The following EML3 variants were observed in gnomAD, a reference collection of about 807,000 sequenced individuals.
The protein encoded by EML3 is echinoderm microtubule-associated protein-like 3.
A neutral mutation model predicts 106.7 loss-of-function variants in EML3; 53 were observed. The ratio of observed to expected loss-of-function variants is 0.50; its 90% CI spans 0.40 to 0.62. The LOEUF (loss-of-function observed/expected upper bound fraction) is 0.62. Among genes scored for constraint, EML3 ranks in the 20% least tolerant of loss-of-function variants. The probability of loss-of-function intolerance (pLI) is 0.00; values close to 1 mark genes in which losing one functional copy is unlikely to be tolerated. For synonymous variants in EML3, 499 were observed against 489.6 expected, an observed-to-expected ratio of 1.02 and a Z score of -0.25; for missense variants, 994 against 1,209.1, an observed-to-expected ratio of 0.82 and a Z score of 2.64.
intron 1 of EML3, chr11:62,612,060 A>G (rs1331094337): frequency 7.6e-6 from 3 of 392,520 alleles, no homozygotes; most frequent in Non-Finnish European, 1.4e-5. Flanking sequence ...CCCAGAGTAC[A>G]AGAAAAGAGA....
Position 62,609,341 on chromosome 11 carries a change from AG to A in EML3, c.758+12del. On this transcript the variant is annotated intron_variant, in intron 6 of 21. Transcript: ENST00000394773. ...GAAAGGTGGTTCTCATGGGACTGGA[AG>A]GGGCAGGATACACCCAGTCAAGGCT... The A allele has an allele frequency of 6.4e-7, 1 of 1,550,976 alleles. No homozygotes were observed. Among genetic ancestry groups the A allele is most frequent in the Non-Finnish European group, 8.7e-7 (1 of 1,148,356 alleles).
At chr11:62,609,275 C>T (rs1007103613) in intron 6 of EML3, 79 bp downstream of exon 6, 40 of 1,539,262 alleles carry the variant, frequency 2.6e-5, no homozygotes, top group Admixed American at 1.2e-4. Context: ...TCCCCACAGA[C>T]CCAGGAGGAA....
intron 11 of EML3, 168 bp from the exon 12 acceptor site, chr11:62,607,267 G>A (rs952950317): frequency 1.4e-6 from 1 of 703,026 alleles, no homozygotes; most frequent in African/African-American, 1.8e-5. Context: ...GGCCAATATG[G>A]TGAAATCCCG....
intron 10 of EML3, 41 bp from the exon 11 acceptor site, chr11:62,607,862 G>A: frequency 6.3e-7 from 1 of 1,595,390 alleles, no homozygotes; most frequent in Non-Finnish European, 8.6e-7. Flanking sequence ...CAAGCCCTGG[G>A]TACCTTCATT....
At chr11:62,608,940 C>A in intron 7 of EML3, 22 bp downstream of exon 7, 3 of 1,610,756 alleles carry the variant, frequency 1.9e-6, no homozygotes, top group Non-Finnish European at 1.7e-6. Flanking sequence ...CCTGCCAAGC[C>A]CACCAGCCCC....
intron 12 of EML3, among the ~76,000 whole-genome samples, chr11:62,606,585 C>T (rs1448556102): frequency 5.9e-5 from 9 of 152,180 alleles, no homozygotes; most frequent in Non-Finnish European, 1.3e-4. Flanking sequence ...GGCTGGGCGC[C>T]GTGGCTCACG....
Position 62,608,672 on chromosome 11 carries a change from A to G in EML3, c.1000-20T>C. The G allele has an allele frequency of 1.2e-6, 2 of 1,614,082 alleles. No individual in the cohort carries two copies. The highest frequency in any genetic ancestry group is 1.7e-6 in the Non-Finnish European group (2 of 1,179,980). On this transcript the variant is annotated intron_variant, in intron 8 of 21. Coordinates refer to ENST00000394773, the MANE Select transcript of EML3 (RefSeq NM_153265.3). ...CAGGGGCTGGTGGAGGAAGAGTCAC[A>G]AGTGTGAAGCAAAATTGGAGTGCAA...
chr11:62,603,583 A>G (rs1165523018), intron 19 of EML3, 146 bp downstream of exon 19: 2 of 703,722 alleles, frequency 2.8e-6, no homozygotes, highest in Non-Finnish European at 2.4e-6. Flanking sequence ...AGTTGTTTCC[A>G]AATCACGAAA....
At position 62,607,801 on chromosome 11, in the gene EML3, C is replaced by G. The variant is rs1179504177; in HGVS notation, c.1227G>C (p.Leu409=). The change falls in exon 11 of 22, where the codon CTG becomes CTC. Residue 409 remains leucine, a synonymous_variant. Transcript: ENST00000394773. The part of the protein sequence containing the change: ...AEIKSTNDSV[L]AVGFNPRDSS... ...TGTCACGAGGGTTGAAGCCAACGGC[C>G]AGGACTGAGTCATTTGTACTCTGAA... The G allele has an allele frequency of 6.2e-7, 1 of 1,613,820 alleles. No homozygotes were observed. The highest frequency in any genetic ancestry group is 1.3e-5 in the African/African-American group (1 of 74,902).
rs1000747146 is a variant in EML3 at position 62,607,906 on chromosome 11, C to T, written c.1207-85G>A. ...CTCTCCTCAATTTGCATCATGACAGCTGGCTGGCAGAGGTCCAGAAACCCC... is the reference window on the plus strand; with the variant it reads ...CTCTCCTCAATTTGCATCATGACAGTTGGCTGGCAGAGGTCCAGAAACCCC... On this transcript the variant is annotated intron_variant, in intron 10 of 21. Coordinates refer to ENST00000394773, the MANE Select transcript of EML3 (RefSeq NM_153265.3). 13 of 1,514,674 alleles carry T rather than the reference C, an allele frequency of 8.6e-6. No homozygotes were observed. The African/African-American group carries it at 1.7e-4, about 19-fold the overall frequency. The allele number at this position is 1,514,674 out of a possible 1,614,324, so 93.8% of individuals were successfully genotyped here.
rs1237585712 is a variant in EML3 at position 62,611,252 on chromosome 11, G to T, written c.287C>A (p.Ser96Tyr). 6.2e-7 allele frequency: 1 copy of T among 1,612,572 alleles called. No individual in the cohort carries two copies. Among genetic ancestry groups the T allele is most frequent in the Non-Finnish European group, 8.5e-7 (1 of 1,179,900 alleles). The change falls in exon 3 of 22, where the codon TCC (serine) becomes TAC (tyrosine). Residue 96 changes from serine (S) to tyrosine (Y), a missense_variant. By Grantham distance (144) the Ser-to-Tyr change is moderately radical. Around this residue, in one of 3 missense-constraint regions of EML3, gnomAD observed 269 missense variants for 265.1 expected, o/e 1.01. Coordinates refer to ENST00000394773, the MANE Select transcript of EML3 (RefSeq NM_153265.3). Reference protein sequence around the residue: ...QTETEVELKSSPGPPGLSNGP... With the variant: ...QTETEVELKSYPGPPGLSNGP... ...ATTGCTCAGGCCAGGGGGTCCAGGG[G>T]ATGACTTGAGCTCCACCTCTGTCTC...
Position 62,609,397 on chromosome 11 carries a change from G to T in EML3, c.715C>A (p.Leu239Met). The change falls in exon 6 of 22, where the codon CTG becomes ATG. Residue 239 changes from leucine to methionine, a missense_variant. By Grantham distance (15) the Leu-to-Met change is conservative. This residue lies in a region of EML3 where 713 missense variants were observed against 920.5 expected (regional missense o/e 0.77). Coordinates refer to ENST00000394773, the MANE Select transcript of EML3 (RefSeq NM_153265.3). ...GTCTCTGGCGGTGGGCCACTCGGCA[G>T]CTCCTCAAGGCTGCGGATGCCAGAC... ...IPSGIRSLEE[L>M]PSGPPPETLS... The T allele has an allele frequency of 6.3e-7, 1 of 1,599,216 alleles. No homozygotes were observed. The highest frequency in any genetic ancestry group is 8.5e-7 in the Non-Finnish European group (1 of 1,172,276).
At position 62,602,850 on chromosome 11, in the gene EML3, G is replaced by A; in HGVS notation, c.2396C>T (p.Ser799Phe). Reference protein sequence around the residue: ...PDGSDGTDINSLCRSHNERVV... With the variant: ...PDGSDGTDINFLCRSHNERVV... ...GCGCTCGTTGTGGGAGCGGCACAGGGAGTTGATGTCGGTCCCATCGGAGCC... is the reference window on the plus strand; with the variant it reads ...GCGCTCGTTGTGGGAGCGGCACAGGAAGTTGATGTCGGTCCCATCGGAGCC... The change falls in exon 21 of 22, where the codon TCC (serine) becomes TTC (phenylalanine). Residue 799 changes from serine (S) to phenylalanine (F), a missense_variant. Ser to Phe is a radical substitution (Grantham distance 155). Transcript: ENST00000394773. 6.2e-7 allele frequency: 1 copy of A among 1,602,230 alleles called. No individual in the cohort carries two copies. The highest frequency in any genetic ancestry group is 8.5e-7 in the Non-Finnish European group (1 of 1,174,734).
chr11:62,606,383 C>T, intron 12 of EML3, 169 bp from the exon 13 acceptor site: 1 of 819,360 alleles, frequency 1.2e-6, no homozygotes, highest in South Asian at 1.8e-5. Flanking sequence ...ATTTTACAAA[C>T]AGGACAACTG....
At chr11:62,609,955 C>T (rs1370431147) in intron 4 of EML3, among the ~76,000 whole-genome samples, 1 of 152,198 alleles carries the variant, frequency 6.6e-6, no homozygotes, top group Non-Finnish European at 1.5e-5. Context: ...TGCCAGAGCC[C>T]TTTCTCTCCT....
intron 1 of EML3, chr11:62,611,820 G>C (rs992460867): frequency 6.6e-5 from 38 of 579,826 alleles, no homozygotes; most frequent in Middle Eastern, 4.5e-4. Flanking sequence ...TCCTGCTGCC[G>C]TCTCAGCCTC....
chr11:62,609,782 T>C (rs1235871112), intron 4 of EML3, 86 bp from the exon 5 acceptor site: 3 of 1,193,290 alleles, frequency 2.5e-6, no homozygotes, highest in African/African-American at 1.6e-5. Context: ...AAGAGGTCAC[T>C]GCAGAAACCA....
chr11:62,611,593 T>A lies in EML3; in HGVS notation c.26A>T (p.Asp9Val). 1 of 1,612,598 alleles carries A rather than the reference T, an allele frequency of 6.2e-7. No homozygotes were observed. ...CTGGAGGGCCTCCCGAGCAGGGCCG[T>A]CACCTGGGAAAAGGGCAAGAGGTAC... Reference protein sequence around the residue: MDGAAGPGDGPAREALQSL... With the variant: MDGAAGPGVGPAREALQSL... The change falls in exon 2 of 22, where the codon GAC becomes GTC. Residue 9 changes from aspartate to valine, a missense_variant. Around this residue, in one of 3 missense-constraint regions of EML3, gnomAD observed 12 missense variants for 23.5 expected, o/e 0.51. Transcript: ENST00000394773.
At position 62,608,793 on chromosome 11, in the gene EML3, G is replaced by A; in HGVS notation, c.942C>T (p.His314=). ...CCGAGGCTACCCGAACACCATCAGGGTGAACAGCAAGGCTAAGGCAGGGGG... is the reference window on the plus strand; with the variant it reads ...CCGAGGCTACCCGAACACCATCAGGATGAACAGCAAGGCTAAGGCAGGGGG... The part of the protein sequence containing the change: ...HTDCVRCLAV[H]PDGVRVASGQ... Residue 314 remains histidine (H), a synonymous_variant, in exon 8 of 22, where the codon CAC becomes CAT. Transcript: ENST00000394773. 6.3e-7 allele frequency: 1 copy of A among 1,577,694 alleles called. No homozygotes were observed. The highest frequency in any genetic ancestry group is 8.6e-7 in the Non-Finnish European group (1 of 1,159,770).
Sources: allele counts gnomAD v4.1 joint callset (sites outside exome capture counted in the v4.1 genomes callset), GRCh38; gene constraint gnomAD v4.1.1; regional missense constraint gnomAD v4.1.1; transcripts MANE v1.5; gene names NCBI Gene and HGNC (gene_info 2026-07-23, HGNC 2026-07-21).